The following MRAS variants were observed in gnomAD, a reference collection of about 807,000 sequenced individuals.
MRAS encodes muscle RAS oncogene homolog, also known as ras-related protein M-Ras.
MRAS carries 4 observed loss-of-function variants against 20.9 expected under a neutral mutation model. That is an observed-to-expected ratio of 0.19 (90% CI 0.09 to 0.44). MRAS has a LOEUF of 0.44. MRAS is among the 20% of genes least tolerant of loss of function. The pLI is 0.99. For synonymous variants in MRAS, 98 were observed against 102.9 expected (o/e 0.95, Z 0.29); for missense variants, 154 against 277.5 (o/e 0.56, Z 3.16).
intron 1 of MRAS, among the ~76,000 whole-genome samples, chr3:138,351,554 C>T (rs1303184292): frequency 1.3e-5 from 2 of 152,124 alleles, no homozygotes; most frequent in Non-Finnish European, 2.9e-5. Context: ...CCCTGTCAGC[C>T]CTCCTAAGTC....
At chr3:138,371,582 C>T (rs1312785814) in intron 1 of MRAS, among the ~76,000 whole-genome samples, 1 of 152,164 alleles carries the variant, frequency 6.6e-6, no homozygotes, top group African/African-American at 2.4e-5. Flanking sequence ...CTTTTCCCAT[C>T]CCAATTTGCA....
intron 2 of MRAS, among the ~76,000 whole-genome samples, chr3:138,396,826 C>G (rs1320462134): frequency 6.6e-6 from 1 of 152,108 alleles, no homozygotes; most frequent in Non-Finnish European, 1.5e-5. Context: ...GGGCTTCCCC[C>G]CAGGCATGTC....
At chr3:138,400,654 TG>T (rs1490343973) in intron 5 of MRAS, 41 bp downstream of exon 5, 2 of 1,542,906 alleles carry the variant, frequency 1.3e-6, no homozygotes, top group East Asian at 2.3e-5. Flanking sequence ...CTCCACAGCA[TG>T]GGTTGGCTCC....
chr3:138,350,805 T>C (rs2054211710), intron 1 of MRAS, among the ~76,000 whole-genome samples: 1 of 152,094 alleles, frequency 6.6e-6, no homozygotes, highest in African/African-American at 2.4e-5. Context: ...TAGCTGGGCC[T>C]GGTGGCATGC....
intron 5 of MRAS, 51 bp downstream of exon 5, chr3:138,400,664 C>T (rs555293201): frequency 1.3e-6 from 2 of 1,483,356 alleles, no homozygotes; most frequent in Non-Finnish European, 1.9e-6. Flanking sequence ...TGGGTTGGCT[C>T]CTGGAGGCAG....
Position 138,397,365 on chromosome 3 carries a change from G to C in MRAS, c.235G>C (p.Glu79Gln). ...AGQEEFSAMR[E>Q]QYMRTGDGFL... is the part of the protein sequence containing the mutation. ...GCAGGAGGAATTCAGCGCCATGCGG[G>C]AGCAATACATGCGCACGGGGGATGG... The change falls in exon 3 of 6, where the codon GAG becomes CAG. Residue 79 changes from glutamate (E) to glutamine (Q), a missense_variant. By Grantham distance (29) the Glu-to-Gln change is conservative. This residue lies in a region of MRAS where 125 missense variants were observed against 213.5 expected (regional missense o/e 0.59). Transcript: ENST00000423968. 1 of 1,614,136 alleles carries C rather than the reference G, an allele frequency of 6.2e-7. No individual in the cohort carries two copies.
At chr3:138,372,815 C>A in intron 1 of MRAS, 51 bp from the exon 2 acceptor site, 2 of 1,287,674 alleles carry the variant, frequency 1.6e-6, no homozygotes, top group Non-Finnish European at 1.1e-6. Context: ...GAATATTTTC[C>A]CCTAAGTTAA....
chr3:138,387,590 G>A (rs777423143), intron 2 of MRAS, among the ~76,000 whole-genome samples: 1 of 152,212 alleles, frequency 6.6e-6, no homozygotes, highest in Admixed American at 6.5e-5. Context: ...TCCCAGAGGG[G>A]TTGCAAGGTG....
rs567952691 is a variant in MRAS at position 138,375,396 on chromosome 3, G to C, written c.193+2320G>C. 1.1e-4 allele frequency among the ~76,000 whole-genome samples: 16 copies of C among 152,312 alleles called. No individual in the cohort carries two copies. In the South Asian group the frequency reaches 3.1e-3, roughly 30 times the overall value. ...CAGAGTAATGTTGGCCTCATAGAAC[G>C]AGTTTTATTCAATTTTCTGGAAGAG... On this transcript the variant is annotated intron_variant, in intron 2 of 5. Coordinates refer to ENST00000423968, the MANE Select transcript of MRAS (RefSeq NM_001085049.3).
chr3:138,378,510 C>T (rs1294499949), intron 2 of MRAS, among the ~76,000 whole-genome samples: 1 of 152,202 alleles, frequency 6.6e-6, no homozygotes. Flanking sequence ...CTCTTCCTCC[C>T]CGTCTGGTCC....
intron 1 of MRAS, among the ~76,000 whole-genome samples, chr3:138,354,883 C>T (rs1253262755): frequency 6.6e-6 from 1 of 152,098 alleles, no homozygotes; most frequent in Non-Finnish European, 1.5e-5. Context: ...TGGGCTCAAG[C>T]CATCCTCCTG....
At chr3:138,394,882 C>T (rs2055203121) in intron 2 of MRAS, among the ~76,000 whole-genome samples, 1 of 152,176 alleles carries the variant, frequency 6.6e-6, no homozygotes, top group East Asian at 1.9e-4. Flanking sequence ...CCCCAGCACC[C>T]ACTCCCCGCC....
chr3:138,394,486 G>A (rs1340927688), intron 2 of MRAS, among the ~76,000 whole-genome samples: 1 of 152,190 alleles, frequency 6.6e-6, no homozygotes, highest in Non-Finnish European at 1.5e-5. Context: ...GCCTGTCTAA[G>A]AAGATGTGGA....
chr3:138,367,837 C>T (rs1049652521), intron 1 of MRAS, among the ~76,000 whole-genome samples: 3 of 152,348 alleles, frequency 2.0e-5, no homozygotes, highest in African/African-American at 7.2e-5. Flanking sequence ...CAAGAAGGTT[C>T]TACCTATGGG....
intron 1 of MRAS, among the ~76,000 whole-genome samples, chr3:138,359,286 C>G (rs928924515): frequency 4.6e-5 from 7 of 152,176 alleles, no homozygotes; most frequent in African/African-American, 1.7e-4. Flanking sequence ...GCCTGGTTCA[C>G]CACTCCAAAG....
At chr3:138,372,255 G>C (rs1273592395) in intron 1 of MRAS, among the ~76,000 whole-genome samples, 1 of 151,866 alleles carries the variant, frequency 6.6e-6, no homozygotes, top group Non-Finnish European at 1.5e-5. Flanking sequence ...ACAAAACTTC[G>C]ACCTGCTCCT....
At chr3:138,354,640 A>G (rs1449812194) in intron 1 of MRAS, among the ~76,000 whole-genome samples, 1 of 152,208 alleles carries the variant, frequency 6.6e-6, no homozygotes, top group Non-Finnish European at 1.5e-5. Context: ...TGCCTTGACC[A>G]TTGTGGGTTT....
chr3:138,399,353 A>G (rs2055310172), intron 4 of MRAS, among the ~76,000 whole-genome samples: 1 of 152,184 alleles, frequency 6.6e-6, no homozygotes, highest in Non-Finnish European at 1.5e-5. Flanking sequence ...AGGCTCAAAT[A>G]TTTGTCCAAT....
At chr3:138,356,737 CTCAG>C (rs917733563) in intron 1 of MRAS, among the ~76,000 whole-genome samples, 2 of 152,236 alleles carry the variant, frequency 1.3e-5, no homozygotes, top group Non-Finnish European at 2.9e-5. Context: ...ACCCACATTC[CTCAG>C]GTTGAGGTTC....
Sources: allele counts gnomAD v4.1 joint callset (sites outside exome capture counted in the v4.1 genomes callset), GRCh38; gene constraint gnomAD v4.1.1; regional missense constraint gnomAD v4.1.1; transcripts MANE v1.5; gene names NCBI Gene and HGNC (gene_info 2026-07-23, HGNC 2026-07-21).